Variants in TECTA observed in about 807,000 individuals in gnomAD.
TECTA encodes alpha-tectorin.
Under a neutral mutation model 216.8 loss-of-function variants are expected in TECTA, and 128 were observed. The ratio of observed to expected loss-of-function variants is 0.59; its 90% CI spans 0.51 to 0.68. The LOEUF (loss-of-function observed/expected upper bound fraction) is 0.68. Ranked by LOEUF, TECTA falls within the 30% of genes least tolerant of loss-of-function variation. The pLI is 0.00. For missense variants in TECTA, 2,551 were observed against 2,786.2 expected, an observed-to-expected ratio of 0.92 and a Z score of 1.90; for synonymous variants, 1,089 against 1,117.1, an observed-to-expected ratio of 0.97 and a Z score of 0.50.
Position 121,138,015 on chromosome 11 carries a change from C to T in TECTA, c.3536C>T (p.Thr1179Ile), listed in dbSNP as rs773939578. The change falls in exon 11 of 24, where the codon ACT becomes ATT. Residue 1179 changes from threonine to isoleucine, a missense_variant. Physicochemically the swap from Thr to Ile is moderately conservative, Grantham distance 89. Around this residue, in one of 3 missense-constraint regions of TECTA, gnomAD observed 2,375 missense variants for 2,563.9 expected, o/e 0.93. Transcript: ENST00000392793. ...GTGATCCACCGAGCTTACAAGCACA[C>T]TGTGCTGGTGAGTAGTCATGAGGTC... is the stretch of plus-strand genomic sequence containing the variant. ...SIVIHRAYKH[T>I]VLVNSERLYL... 1.9e-6 allele frequency: 3 copies of T among 1,613,914 alleles called. No homozygotes were observed. Among genetic ancestry groups the T allele is most frequent in the Admixed American group, 1.7e-5 (1 of 60,030 alleles).
chr11:121,177,162 T>C lies in TECTA; in HGVS notation c.5999+8237T>C, dbSNP rs184143822. Among the ~76,000 whole-genome samples, 220 of 152,366 alleles carry C rather than the reference T, an allele frequency of 1.4e-3. 2 individuals are homozygous for C. Among genetic ancestry groups the C allele is most frequent in the Admixed American group, 0.013 (196 of 15,308 alleles). On this transcript the variant is annotated intron_variant, in intron 20 of 23. Coordinates refer to ENST00000392793, the MANE Select transcript of TECTA (RefSeq NM_005422.4). ...GGAGTAGTTTGATTGTCTGAAGCCT[T>C]CTTCTCTCAACTCGTCAAAGTCATT...
At chr11:121,131,103 A>G (rs528139985) in intron 10 of TECTA, among the ~76,000 whole-genome samples, 16 of 147,350 alleles carry the variant, frequency 1.1e-4, no homozygotes, top group Non-Finnish European at 1.8e-4. Context: ...GGTCCCAACT[A>G]TTTGGAAGGC....
intron 20 of TECTA, among the ~76,000 whole-genome samples, chr11:121,175,297 T>C (rs1947154173): frequency 6.6e-6 from 1 of 151,940 alleles, no homozygotes; most frequent in Non-Finnish European, 1.5e-5. Flanking sequence ...GGTGTCAATT[T>C]TGGATCTTTC....
chr11:121,189,047 G>T, intron 21 of TECTA, 33 bp from the exon 22 acceptor site: 2 of 1,608,064 alleles, frequency 1.2e-6, no homozygotes, highest in East Asian at 4.5e-5. Context: ...GCTTAATTGT[G>T]TGAAAATTTC....
chr11:121,140,051 G>A (rs992754357), intron 11 of TECTA, among the ~76,000 whole-genome samples: 4 of 152,060 alleles, frequency 2.6e-5, no homozygotes, highest in African/African-American at 7.2e-5. Flanking sequence ...CTTGACATTC[G>A]GTGCTCTTTG....
At chr11:121,164,235 G>C (rs1947029042) in intron 16 of TECTA, among the ~76,000 whole-genome samples, 1 of 152,016 alleles carries the variant, frequency 6.6e-6, no homozygotes, top group South Asian at 2.1e-4. Context: ...ACAGTGTATT[G>C]GTACTAACTA....
intron 20 of TECTA, among the ~76,000 whole-genome samples, chr11:121,182,391 G>A (rs1454346435): frequency 2.6e-5 from 4 of 151,878 alleles, no homozygotes; most frequent in African/African-American, 4.8e-5. Context: ...TCTGGCAGTG[G>A]TGGCAGGCTG....
intron 20 of TECTA, among the ~76,000 whole-genome samples, chr11:121,186,297 G>T (rs1437863427): frequency 6.6e-6 from 1 of 152,246 alleles, no homozygotes; most frequent in Non-Finnish European, 1.5e-5. Flanking sequence ...CAAGTGGCTT[G>T]TAAGTCTGGG....
chr11:121,134,325 C>CCACA lies in TECTA; in HGVS notation c.2942-3076_2942-3073dup, dbSNP rs6144537. Reference sequence around the variant, plus strand: ...CAACAGACGGAGCTGAAAACCAACACCACACACACACACACACACACACGC... The same window carrying CCACA: ...CAACAGACGGAGCTGAAAACCAACACCACACACACACACACACACACACACACGC... On this transcript the variant is annotated intron_variant, in intron 10 of 23. Transcript: ENST00000392793. Among the ~76,000 whole-genome samples the CCACA allele has an allele frequency of 7.3e-4, 108 of 146,958 alleles. 2 individuals carry two copies. Among genetic ancestry groups the CCACA allele is most frequent in the Middle Eastern group, 3.4e-3 (1 of 290 alleles).
chr11:121,189,061 C>A lies in TECTA; in HGVS notation c.6163-19C>A. ...AGCTTAATTGTGTGAAAATTTCCCCCTGGTATTCTGTCTTGCAGACTTGCC... is the reference window on the plus strand; with the variant it reads ...AGCTTAATTGTGTGAAAATTTCCCCATGGTATTCTGTCTTGCAGACTTGCC... On this transcript the variant is annotated intron_variant, in intron 21 of 23. Coordinates refer to ENST00000392793, the MANE Select transcript of TECTA (RefSeq NM_005422.4). 6.2e-7 allele frequency: 1 copy of A among 1,613,528 alleles called. No homozygotes were observed. Among genetic ancestry groups the A allele is most frequent in the Non-Finnish European group, 8.5e-7 (1 of 1,179,458 alleles).
At chr11:121,151,110 T>C (rs1227081193) in intron 12 of TECTA, among the ~76,000 whole-genome samples, 3 of 152,104 alleles carry the variant, frequency 2.0e-5, no homozygotes, top group African/African-American at 2.4e-5. Context: ...GCAAACTAAA[T>C]AAGGAGATGG....
intron 12 of TECTA, among the ~76,000 whole-genome samples, chr11:121,152,249 G>A (rs1450931488): frequency 6.6e-6 from 1 of 152,246 alleles, no homozygotes; most frequent in Non-Finnish European, 1.5e-5. Context: ...ATGCCAGCAC[G>A]TGTACTCATG....
chr11:121,109,448 A>C lies in TECTA; in HGVS notation c.436A>C (p.Ile146Leu). 5 of 1,614,164 alleles carry C rather than the reference A, an allele frequency of 3.1e-6. No homozygotes were observed. Among genetic ancestry groups the C allele is most frequent in the Non-Finnish European group, 4.2e-6 (5 of 1,180,024 alleles). The change falls in exon 4 of 24, where the codon ATT becomes CTT. Residue 146 changes from isoleucine to leucine, a missense_variant. Physicochemically the swap from Ile to Leu is conservative, Grantham distance 5. Coordinates refer to ENST00000392793, the MANE Select transcript of TECTA (RefSeq NM_005422.4). ...MATFSATWVF[I>L]VTWEEVTFYG... ...AACCTTCTCTGCCACTTGGGTTTTC[A>C]TTGTGACATGGGAGGAAGTCACGTT...
At chr11:121,155,568 C>G (rs773681797) in intron 13 of TECTA, among the ~76,000 whole-genome samples, 1 of 152,178 alleles carries the variant, frequency 6.6e-6, no homozygotes, top group Non-Finnish European at 1.5e-5. Context: ...AGATCTCCTC[C>G]TCTATCTATT....
chr11:121,143,795 C>T (rs1946808266), intron 11 of TECTA, among the ~76,000 whole-genome samples: 1 of 152,156 alleles, frequency 6.6e-6, no homozygotes, highest in Non-Finnish European at 1.5e-5. Flanking sequence ...GTCAGGTTCC[C>T]TAGAGCCTGG....
At chr11:121,164,943 T>C (rs1368927219) in intron 16 of TECTA, among the ~76,000 whole-genome samples, 1 of 152,248 alleles carries the variant, frequency 6.6e-6, no homozygotes, top group Non-Finnish European at 1.5e-5. Flanking sequence ...CATGGTAAGA[T>C]GACTGGGGTT....
chr11:121,113,360 A>G lies in TECTA; in HGVS notation c.624+151A>G, dbSNP rs1946461720. On this transcript the variant is annotated intron_variant, in intron 5 of 23. Coordinates refer to ENST00000392793, the MANE Select transcript of TECTA (RefSeq NM_005422.4). This position sits in a 1 kb window ranked among gnomAD's most constrained non-coding sequence, Gnocchi z 4.2. ...GTGGACTACGAGGCTAGTCCTGCCCATGTTTGGCACCCTGACTCGGCTATG... is the reference window on the plus strand; with the variant it reads ...GTGGACTACGAGGCTAGTCCTGCCCGTGTTTGGCACCCTGACTCGGCTATG... The G allele has an allele frequency of 3.4e-6, 5 of 1,491,302 alleles. No homozygotes were observed. Among genetic ancestry groups the G allele is most frequent in the Admixed American group, 1.7e-5 (1 of 57,584 alleles). 92.4% of individuals were successfully genotyped at this position (1,491,302 alleles called of 1,614,324 possible).
chr11:121,102,590 C>A, intron 1 of TECTA, 75 bp from the exon 2 acceptor site: 1 of 1,090,226 alleles, frequency 9.2e-7, no homozygotes, highest in Non-Finnish European at 1.4e-6. Context: ...TGGGATTAGC[C>A]ACTAAACACA....
intron 6 of TECTA, among the ~76,000 whole-genome samples, chr11:121,115,269 C>T (rs949480903): frequency 1.3e-5 from 2 of 152,022 alleles, no homozygotes; most frequent in African/African-American, 4.8e-5. Flanking sequence ...ACCAACCCAT[C>T]CATCAAGTCA....
Sources: allele counts gnomAD v4.1 joint callset (sites outside exome capture counted in the v4.1 genomes callset), GRCh38; gene constraint gnomAD v4.1.1; regional missense constraint gnomAD v4.1.1; non-coding constraint Gnocchi (gnomAD v3.1); transcripts MANE v1.5; gene names NCBI Gene and HGNC (gene_info 2026-07-23, HGNC 2026-07-21).